SYT1: variants seen among roughly 807,000 people sequenced by gnomAD.
SYT1 encodes the protein synaptotagmin 1, also known as synaptotagmin-1.
SYT1 carries 8 observed loss-of-function variants against 44.8 expected under a neutral mutation model. That is an observed-to-expected ratio of 0.18 (90% CI 0.10 to 0.32). The LOEUF (loss-of-function observed/expected upper bound fraction) is 0.32, where lower values mean the gene tolerates loss of function less well. SYT1 is among the 10% of genes least tolerant of loss of function. The pLI is 1.00. For missense variants in SYT1, 286 were observed against 509.3 expected (o/e 0.56, Z 4.22); for synonymous variants, 154 against 188.8 (o/e 0.82, Z 1.51).
chr12:79,146,217 C>T (rs1297141008), intron 3 of SYT1, among the ~76,000 whole-genome samples: 3 of 152,204 alleles, frequency 2.0e-5, no homozygotes, highest in Non-Finnish European at 2.9e-5. Context: ...TTCCCACAGA[C>T]AGGCAGCACA....
chr12:79,211,882 T>A (rs1165368536), intron 3 of SYT1, among the ~76,000 whole-genome samples: 1 of 152,122 alleles, frequency 6.6e-6, no homozygotes, highest in Non-Finnish European at 1.5e-5. Context: ...TCTAGTCTCC[T>A]TCCTAATTGC....
intron 9 of SYT1, among the ~76,000 whole-genome samples, chr12:79,385,038 G>A (rs953175603): frequency 4.2e-4 from 62 of 146,672 alleles, no homozygotes; most frequent in African/African-American, 1.4e-3. Flanking sequence ...CCAGGCTGGA[G>A]TGCAATGGCA....
chr12:78,999,638 G>C (rs1870603592), intron 2 of SYT1, among the ~76,000 whole-genome samples: 1 of 152,146 alleles, frequency 6.6e-6, no homozygotes, highest in South Asian at 2.1e-4. Context: ...ATTTGAATTT[G>C]TGTGTTTTAG....
intron 1 of SYT1, among the ~76,000 whole-genome samples, chr12:78,977,306 G>A (rs1398260538): frequency 6.6e-6 from 1 of 152,142 alleles, no homozygotes; most frequent in East Asian, 1.9e-4. Context: ...CTCACAAAGA[G>A]ATTCACAAAT....
chr12:78,992,508 G>A (rs1156283390), intron 2 of SYT1, among the ~76,000 whole-genome samples: 13 of 152,202 alleles, frequency 8.5e-5, no homozygotes, highest in Non-Finnish European at 1.5e-5. Flanking sequence ...AATGCAGCAA[G>A]GATTAGTATT....
intron 3 of SYT1, among the ~76,000 whole-genome samples, chr12:79,180,796 T>C (rs1418075114): frequency 6.6e-6 from 1 of 151,870 alleles, no homozygotes; most frequent in African/African-American, 2.4e-5. Context: ...AGGCCCCACC[T>C]CCAACGTTGG....
chr12:79,344,658 A>G (rs1044649070), intron 8 of SYT1, among the ~76,000 whole-genome samples: 1 of 151,830 alleles, frequency 6.6e-6, no homozygotes, highest in Non-Finnish European at 1.5e-5. Context: ...GATTTCACCA[A>G]GTTGCCCAGG....
At chr12:79,089,333 A>C (rs1359908243) in intron 3 of SYT1, among the ~76,000 whole-genome samples, 1 of 152,014 alleles carries the variant, frequency 6.6e-6, no homozygotes, top group Non-Finnish European at 1.5e-5. Context: ...ATTTGAGCTA[A>C]GTCTCTTAGC....
intron 2 of SYT1, among the ~76,000 whole-genome samples, chr12:79,023,471 C>T (rs1197700870): frequency 6.6e-6 from 1 of 151,782 alleles, no homozygotes; most frequent in Non-Finnish European, 1.5e-5. Flanking sequence ...TTGTGACTGA[C>T]TCAGCCCTCA....
chr12:79,045,277 C>G (rs994763062), intron 2 of SYT1, among the ~76,000 whole-genome samples: 10 of 152,288 alleles, frequency 6.6e-5, no homozygotes, highest in Admixed American at 6.5e-4. Context: ...AGCGAGACTA[C>G]GTGGGCGTAG....
At chr12:79,280,993 A>T (rs1879022802) in intron 4 of SYT1, among the ~76,000 whole-genome samples, 1 of 151,920 alleles carries the variant, frequency 6.6e-6, no homozygotes, top group Non-Finnish European at 1.5e-5. Context: ...AGTAAAAAAA[A>T]AAAAAATAGA....
intron 1 of SYT1, among the ~76,000 whole-genome samples, chr12:78,961,296 A>G (rs1398858291): frequency 6.6e-6 from 1 of 151,862 alleles, no homozygotes; most frequent in African/African-American, 2.4e-5. Flanking sequence ...TTTTGTGGCG[A>G]CATAATCTTA....
chr12:79,255,203 C>T (rs775737519), intron 4 of SYT1, among the ~76,000 whole-genome samples: 4 of 152,142 alleles, frequency 2.6e-5, no homozygotes, highest in Non-Finnish European at 5.9e-5. Flanking sequence ...GCCACAGCCA[C>T]CCCAAACTTT....
intron 1 of SYT1, among the ~76,000 whole-genome samples, chr12:78,958,262 A>T (rs1033837230): frequency 1.3e-5 from 2 of 152,312 alleles, no homozygotes; most frequent in East Asian, 1.9e-4. Context: ...ATTTCTTTTT[A>T]AAATTTATTT....
chr12:79,386,636 TAAG>T (rs1280028407), intron 9 of SYT1, among the ~76,000 whole-genome samples: 1 of 152,202 alleles, frequency 6.6e-6, no homozygotes, highest in Non-Finnish European at 1.5e-5. Flanking sequence ...TTATTAAAAA[TAAG>T]AAATCTGTAT....
intron 2 of SYT1, among the ~76,000 whole-genome samples, chr12:79,016,717 G>T (rs1434399772): frequency 6.6e-6 from 1 of 152,060 alleles, no homozygotes; most frequent in Non-Finnish European, 1.5e-5. Context: ...ATGTCATGGA[G>T]GAGGCATGGT....
At chr12:79,341,350 ACTGAACCT>A (rs998166117) in intron 8 of SYT1, 18 of 152,164 alleles carry the variant, frequency 1.2e-4, no homozygotes, top group African/African-American at 4.1e-4. Flanking sequence ...ATCCTGTCTC[ACTGAACCT>A]CTGCCATCTT....
intron 3 of SYT1, among the ~76,000 whole-genome samples, chr12:79,142,991 C>T (rs1364676214): frequency 6.6e-6 from 1 of 152,116 alleles, no homozygotes; most frequent in Non-Finnish European, 1.5e-5. Context: ...GAGAAGCAGA[C>T]ATAATAACAA....
At chr12:79,383,484 T>G (rs1884308035) in intron 9 of SYT1, among the ~76,000 whole-genome samples, 1 of 152,168 alleles carries the variant, frequency 6.6e-6, no homozygotes, top group African/African-American at 2.4e-5. Context: ...GTTTATATAG[T>G]ATAGATGGCT....
Sources: allele counts gnomAD v4.1 joint callset (sites outside exome capture counted in the v4.1 genomes callset), GRCh38; gene constraint gnomAD v4.1.1; transcripts MANE v1.5; gene names NCBI Gene and HGNC (gene_info 2026-07-23, HGNC 2026-07-21).